The following ENTPD6 variants were observed in gnomAD, a reference collection of about 807,000 sequenced individuals.
ENTPD6 encodes CD39 antigen-like 2.
ENTPD6 carries 46 observed loss-of-function variants against 61.5 expected under a neutral mutation model. The ratio of observed to expected loss-of-function variants is 0.75; its 90% CI spans 0.59 to 0.96. The LOEUF is 0.96. ENTPD6 is among the 40% of genes least tolerant of loss of function. The pLI is 0.00. For synonymous variants in ENTPD6, 252 were observed against 255.5 expected, an observed-to-expected ratio of 0.99 and a Z score of 0.13; for missense variants, 612 against 629.0, an observed-to-expected ratio of 0.97 and a Z score of 0.29.
chr20:25,223,469 GA>G (rs2092703835), intron 12 of ENTPD6, among the ~76,000 whole-genome samples: 1 of 152,216 alleles, frequency 6.6e-6, no homozygotes, highest in Admixed American at 6.5e-5. Flanking sequence ...GGGAACTCTG[GA>G]GGGGGTTGCA....
In ENTPD6 at chr20:25,222,963, G is replaced by T. The variant is rs1196656504; in HGVS notation, c.1171G>T (p.Gly391Cys). ...AFSYYYDLAAGVGLIDAEKGG... is the reference protein window; with the variant it reads ...AFSYYYDLAACVGLIDAEKGG... ...CTCCTACTATTACGACCTTGCAGCT[G>T]GTGTGGGCCTCATAGGTAAGGGGGC... is the stretch of plus-strand genomic sequence containing the variant. Residue 391 changes from glycine (G) to cysteine (C), a missense_variant, in exon 12 of 15, where the codon GGT becomes TGT. By Grantham distance (159) the Gly-to-Cys change is radical (BLOSUM62 -3). Transcript: ENST00000376652. 6.2e-7 allele frequency: 1 copy of T among 1,613,844 alleles called. No homozygotes were observed. The highest frequency in any genetic ancestry group is 8.5e-7 in the Non-Finnish European group (1 of 1,179,982).
chr20:25,225,505 C>T lies in ENTPD6; in HGVS notation c.1363C>T (p.Arg455Trp), dbSNP rs775442020. ...FPRSKVLKLT[R>W]KIDNVETSWA... ...CCCTCTCTGTCTTTTCAAGCTCACT[C>T]GGAAAATTGACAATGTTGAGACCAG... Residue 455 changes from arginine (R) to tryptophan (W), a missense_variant, in exon 15 of 15, where the codon CGG (arginine) becomes TGG (tryptophan). By Grantham distance (101) the Arg-to-Trp change is moderately radical (BLOSUM62 -3). Transcript: ENST00000376652. 3.1e-6 allele frequency: 5 copies of T among 1,613,682 alleles called. No individual in the cohort carries two copies. Among genetic ancestry groups the T allele is most frequent in the Non-Finnish European group, 3.4e-6 (4 of 1,179,734 alleles).
At chr20:25,198,807 T>C (rs1372985283) in intron 1 of ENTPD6, among the ~76,000 whole-genome samples, 2 of 152,120 alleles carry the variant, frequency 1.3e-5, no homozygotes, top group African/African-American at 2.4e-5. Flanking sequence ...TCACCTCTCA[T>C]AGGGTCCGTC....
chr20:25,207,137 G>C lies in ENTPD6; in HGVS notation c.116G>C (p.Arg39Pro). ...MRKISNHGSL[R>P]VAKVAYPLGL... ...AAAATATCCAACCACGGGAGCCTGC[G>C]GGTGGCGAAGGTGGCATACCCCCTG... The change falls in exon 3 of 15, where the codon CGG (arginine) becomes CCG (proline). Residue 39 changes from arginine to proline, a missense_variant. By Grantham distance (103) the Arg-to-Pro change is moderately radical (BLOSUM62 -2). Transcript: ENST00000376652. The C allele has an allele frequency of 6.2e-7, 1 of 1,613,848 alleles. No homozygotes were observed. Among genetic ancestry groups the C allele is most frequent in the East Asian group, 2.2e-5 (1 of 44,858 alleles).
Position 25,218,603 on chromosome 20 carries a change from AG to A in ENTPD6, c.936del (p.Gln313SerfsTer62). The A allele has an allele frequency of 6.2e-7, 1 of 1,606,058 alleles. No homozygotes were observed. The highest frequency in any genetic ancestry group is 8.5e-7 in the Non-Finnish European group (1 of 1,178,382). On this transcript the variant is annotated frameshift_variant, in exon 10 of 15. Transcript: ENST00000376652. LOFTEE classifies it high-confidence loss of function. Reference protein sequence around the residue: ...SARLAILGGVEGQPAKDGKEL... With the variant: ...SARLAILGGVXGQPAKDGKEL... Reference sequence around the variant, plus strand: ...CGCCTGGCGATCCTGGGCGGCGTGGAGGGGCAGCCTGGTGAGTGGACATGTT... The same window carrying A: ...CGCCTGGCGATCCTGGGCGGCGTGGAGGGCAGCCTGGTGAGTGGACATGTT...
chr20:25,219,659 G>A (rs2092540757), intron 10 of ENTPD6, among the ~76,000 whole-genome samples: 1 of 152,194 alleles, frequency 6.6e-6, no homozygotes, highest in African/African-American at 2.4e-5. Flanking sequence ...CCTTCCCAAG[G>A]CCTTAGTGTC....
chr20:25,209,358 C>T (rs2091784456), intron 3 of ENTPD6, among the ~76,000 whole-genome samples: 1 of 151,664 alleles, frequency 6.6e-6, no homozygotes, highest in Admixed American at 6.6e-5. Context: ...GATCTGCTCA[C>T]CTTGGCCTCC....
Position 25,209,932 on chromosome 20 carries a change from A to T in ENTPD6, c.453+7A>T, listed in dbSNP as rs2091838424. 1.2e-6 allele frequency: 2 copies of T among 1,612,058 alleles called. No individual in the cohort carries two copies. Among genetic ancestry groups the T allele is most frequent in the Admixed American group, 1.7e-5 (1 of 60,002 alleles). ...TGCTGATGATGTTGAAAAGGTAAGG[A>T]TCCTCTCCCGTGTCTCCCTGTTCAA... On this transcript the variant is annotated splice_region_variant and intron_variant, in intron 4 of 14. Transcript: ENST00000376652.
chr20:25,205,627 G>T (rs993679644), intron 1 of ENTPD6, among the ~76,000 whole-genome samples: 1 of 152,242 alleles, frequency 6.6e-6, no homozygotes, highest in East Asian at 1.9e-4. Flanking sequence ...CTGGGGAGGG[G>T]CTGCACGTTG....
intron 5 of ENTPD6, among the ~76,000 whole-genome samples, chr20:25,214,108 G>T (rs1426026284): frequency 2.6e-5 from 4 of 152,186 alleles, no homozygotes; most frequent in Non-Finnish European, 5.9e-5. Context: ...CTGTCGAAGG[G>T]ACCCTGTGGC....
intron 4 of ENTPD6, among the ~76,000 whole-genome samples, chr20:25,210,191 C>T (rs1352192621): frequency 6.6e-6 from 1 of 152,274 alleles, no homozygotes; most frequent in African/African-American, 2.4e-5. Flanking sequence ...GGTCTTGGTA[C>T]AGGTCAGAAG....
intron 4 of ENTPD6, 38 bp from the exon 5 acceptor site, chr20:25,213,225 A>T: frequency 6.2e-7 from 1 of 1,613,940 alleles, no homozygotes; most frequent in South Asian, 1.1e-5. Context: ...TGTATGCTGC[A>T]CTTGACAGAC....
chr20:25,201,943 C>G (rs1600502524), intron 1 of ENTPD6, among the ~76,000 whole-genome samples: 1 of 152,156 alleles, frequency 6.6e-6, no homozygotes, highest in Non-Finnish European at 1.5e-5. Context: ...GTCTCAAACT[C>G]CTGGGCTCAA....
intron 4 of ENTPD6, among the ~76,000 whole-genome samples, chr20:25,210,425 C>G (rs1374763848): frequency 6.6e-6 from 1 of 151,484 alleles, no homozygotes; most frequent in Non-Finnish European, 1.5e-5. Flanking sequence ...GCAAGAGGAT[C>G]TCTTGAGCCC....
chr20:25,208,166 G>A (rs571384237), intron 3 of ENTPD6, among the ~76,000 whole-genome samples: 3 of 152,202 alleles, frequency 2.0e-5, no homozygotes, highest in Non-Finnish European at 2.9e-5. Context: ...GGCATTGCAC[G>A]GTTCTGCTGG....
rs769745485 is a variant in ENTPD6, at chr20:25,222,825, T to G, written c.1046-13T>G. ...CGGAGCCCACTGACCGCTAGCCTTG[T>G]GCTTGTCCCCAGCGGCAAGCCTGCA... On this transcript the variant is annotated splice_polypyrimidine_tract_variant and intron_variant, in intron 11 of 14. Transcript: ENST00000376652. The G allele has an allele frequency of 1.9e-6, 3 of 1,613,254 alleles. No individual in the cohort carries two copies. The South Asian group carries it at 3.3e-5, about 18-fold the overall frequency.
intron 10 of ENTPD6, among the ~76,000 whole-genome samples, chr20:25,220,575 C>G (rs1320221887): frequency 6.6e-6 from 1 of 152,154 alleles, no homozygotes; most frequent in African/African-American, 2.4e-5. Context: ...GGGCGCTCTT[C>G]CACATGGCCT....
chr20:25,207,384 C>T lies in ENTPD6; in HGVS notation c.363C>T (p.Thr121=). ...CCCGAGTACACGTCTTCCAGTTCAC[C>T]CGGCCCCCCAGAGGTACCCGCCTCT... ...TGTRVHVFQF[T]RPPRETPTLT... is the part of the protein sequence containing the mutation. The change falls in exon 3 of 15, where the codon ACC becomes ACT. Residue 121 remains threonine, a synonymous_variant. Coordinates refer to ENST00000376652, the MANE Select transcript of ENTPD6 (RefSeq NM_001247.5). 1 of 1,534,108 alleles carries T rather than the reference C, an allele frequency of 6.5e-7. No homozygotes were observed. The highest frequency in any genetic ancestry group is 2.3e-5 in the East Asian group (1 of 43,868).
chr20:25,220,729 A>T (rs957179397), intron 10 of ENTPD6, among the ~76,000 whole-genome samples: 2 of 152,192 alleles, frequency 1.3e-5, no homozygotes, highest in Non-Finnish European at 2.9e-5. Flanking sequence ...TTTCGGTGGG[A>T]CAGCAGCCTG....
Sources: gnomAD v4.1 joint callset for allele counts (sites outside exome capture counted in the v4.1 genomes callset) on GRCh38, gnomAD v4.1.1 for gene constraint, MANE v1.5 for transcripts, NCBI Gene and HGNC (gene_info 2026-07-23, HGNC 2026-07-21) for gene names.